WDR64: variants seen among roughly 807,000 people sequenced by gnomAD.
WDR64 encodes the protein WD repeat domain 64, also known as WD repeat-containing protein 64.
WDR64 carries 112 observed loss-of-function variants against 139.3 expected under a neutral mutation model. That is an observed-to-expected ratio of 0.80 (90% CI 0.69 to 0.94). The LOEUF (loss-of-function observed/expected upper bound fraction) is 0.94, where lower values mean the gene tolerates loss of function less well. WDR64 is among the 40% of genes least tolerant of loss of function. The pLI, the probability that WDR64 is intolerant of heterozygous loss-of-function variation, is 0.00. For missense variants in WDR64, 1,206 were observed against 1,293.1 expected (o/e 0.93, Z 1.03); for synonymous variants, 444 against 437.7 (o/e 1.01, Z -0.18).
At chr1:241,758,172 A>C (rs1670280067) in intron 15 of WDR64, among the ~76,000 whole-genome samples, 1 of 152,114 alleles carries the variant, frequency 6.6e-6, no homozygotes, top group Non-Finnish European at 1.5e-5. Flanking sequence ...GTTATTTAAG[A>C]AGTTCCGCTG....
rs531923903 is a variant in WDR64, at chr1:241,680,245, G to A, written c.624+650G>A. ...TGTCTTCAGGAAGCAGACTGACTTT[G>A]AAGGACATGGAGGATTAAGAAATAA... On this transcript the variant is annotated intron_variant, in intron 6 of 27. Coordinates refer to ENST00000437684, the MANE Select transcript of WDR64 (RefSeq NM_001367482.1). 4.7e-4 allele frequency among the ~76,000 whole-genome samples: 72 copies of A among 152,324 alleles called. 4 individuals are homozygous for A. The South Asian group carries it at 0.014, about 31-fold the overall frequency.
At chr1:241,727,620 G>C (rs1157912928) in intron 10 of WDR64, among the ~76,000 whole-genome samples, 2 of 152,128 alleles carry the variant, frequency 1.3e-5, no homozygotes, top group African/African-American at 4.8e-5. Flanking sequence ...GAGTTCTAGG[G>C]ACAAAGCATT....
intron 15 of WDR64, among the ~76,000 whole-genome samples, chr1:241,761,771 G>A (rs1448827258): frequency 6.6e-6 from 1 of 152,150 alleles, no homozygotes; most frequent in Non-Finnish European, 1.5e-5. Context: ...TTTCAGCAAT[G>A]TTCACAGCAG....
chr1:241,656,702 ATAAT>A lies in WDR64; in HGVS notation c.146-3825_146-3822del, dbSNP rs1357995956. ...TTGGCACTACTGATGTTTTGGCTAA[ATAAT>A]TATTTGTATATGTGTGCGTGTGTGG... On this transcript the variant is annotated intron_variant, in intron 1 of 27. Transcript: ENST00000437684. This position sits in a 1 kb window ranked among gnomAD's most constrained non-coding sequence, Gnocchi z 4.3. Among the ~76,000 whole-genome samples, 1 of 152,036 alleles carries A rather than the reference ATAAT, an allele frequency of 6.6e-6. No individual in the cohort carries two copies. The highest frequency in any genetic ancestry group is 1.9e-4 in the East Asian group (1 of 5,188).
intron 13 of WDR64, among the ~76,000 whole-genome samples, chr1:241,748,867 G>C (rs1204582161): frequency 6.6e-6 from 1 of 150,954 alleles, no homozygotes; most frequent in Admixed American, 6.6e-5. Context: ...GTGAACCCAG[G>C]AGGCGGAGCT....
In WDR64 at chr1:241,689,883, A is replaced by G. The variant is rs566108087; in HGVS notation, c.974+2288A>G. Among the ~76,000 whole-genome samples the G allele has an allele frequency of 5.9e-4, 90 of 152,306 alleles. No homozygotes were observed. In the Middle Eastern group the frequency reaches 0.014, roughly 23 times the overall value. On this transcript the variant is annotated intron_variant, in intron 8 of 27. Coordinates refer to ENST00000437684, the MANE Select transcript of WDR64 (RefSeq NM_001367482.1). The stretch of plus-strand genomic sequence containing the variant: ...GAAAGAATTTATAGAAGATTCAAAA[A>G]CAGAAAGCAAAGAGGAAAAAAACTG...
intron 10 of WDR64, among the ~76,000 whole-genome samples, chr1:241,726,889 A>G (rs11578496): frequency 0.42 from 62,747 of 151,120 alleles, 13,113 homozygotes; most frequent in South Asian, 0.48. Context: ...TAATAAGGAC[A>G]AAGTTTTTTT....
intron 8 of WDR64, among the ~76,000 whole-genome samples, chr1:241,702,633 C>A (rs1358658373): frequency 1.3e-5 from 2 of 152,252 alleles, no homozygotes; most frequent in Non-Finnish European, 1.5e-5. Flanking sequence ...CAGGGATTAG[C>A]AAACTGTAGC....
At chr1:241,737,656 A>AT (rs1294570091) in intron 10 of WDR64, among the ~76,000 whole-genome samples, 2 of 152,210 alleles carry the variant, frequency 1.3e-5, no homozygotes, top group Non-Finnish European at 2.9e-5. Context: ...CTACTAAAAA[A>AT]GCAGAATAGT....
At chr1:241,714,229 A>G (rs909455034) in intron 9 of WDR64, among the ~76,000 whole-genome samples, 3 of 152,340 alleles carry the variant, frequency 2.0e-5, no homozygotes, top group African/African-American at 7.2e-5. Flanking sequence ...AACACAAACA[A>G]ACATCAAGAA....
chr1:241,799,902 T>G (rs1659473467), intron 27 of WDR64, among the ~76,000 whole-genome samples: 1 of 152,182 alleles, frequency 6.6e-6, no homozygotes, highest in South Asian at 2.1e-4. Flanking sequence ...AATCCATTTT[T>G]TCCAAAATTA....
chr1:241,769,552 G>A, intron 17 of WDR64, 47 bp downstream of exon 17: 1 of 1,479,968 alleles, frequency 6.8e-7, no homozygotes, highest in Non-Finnish European at 9.2e-7. Context: ...GGACTTAGGT[G>A]GCTGATACAT....
chr1:241,776,815 G>A (rs534344319), intron 21 of WDR64, among the ~76,000 whole-genome samples: 9 of 152,210 alleles, frequency 5.9e-5, no homozygotes, highest in African/African-American at 1.9e-4. Context: ...CCTCTATTAG[G>A]GTTAGTCCTC....
chr1:241,757,033 G>A (rs1670216594), intron 14 of WDR64, among the ~76,000 whole-genome samples: 1 of 149,740 alleles, frequency 6.7e-6, no homozygotes, highest in African/African-American at 2.5e-5. Context: ...ATATATATAT[G>A]TAGAAAGTAT....
intron 2 of WDR64, among the ~76,000 whole-genome samples, chr1:241,666,319 T>C (rs973089464): frequency 2.0e-5 from 3 of 152,168 alleles, no homozygotes; most frequent in Admixed American, 6.5e-5. Flanking sequence ...GCTTGAGACA[T>C]TTCCTTTCAA....
chr1:241,767,928 T>C (rs547142766), intron 16 of WDR64, among the ~76,000 whole-genome samples: 189 of 152,218 alleles, frequency 1.2e-3, no homozygotes, highest in African/African-American at 4.2e-3. Flanking sequence ...TCACACATTG[T>C]CTACCTGCCA....
rs183817117 is a variant in WDR64, at chr1:241,757,045, T to C, written c.1771-238T>C. Among the ~76,000 whole-genome samples the C allele has an allele frequency of 6.4e-4, 98 of 152,274 alleles. 2 individuals are homozygous for C. The East Asian group carries it at 0.011, about 17-fold the overall frequency. ...ATCATATATATATGTAGAAAGTATA[T>C]GTATGTATATGTAGAAATATTAAAA... On this transcript the variant is annotated intron_variant, in intron 14 of 27. Transcript: ENST00000437684.
chr1:241,704,544 T>C (rs902688291), intron 8 of WDR64, among the ~76,000 whole-genome samples: 4 of 152,282 alleles, frequency 2.6e-5, no homozygotes, highest in Middle Eastern at 3.4e-3. Context: ...CCTTTCTACT[T>C]GAAAGAAGTT....
intron 21 of WDR64, among the ~76,000 whole-genome samples, chr1:241,775,921 C>A (rs1448251987): frequency 6.6e-6 from 1 of 151,966 alleles, no homozygotes; most frequent in Non-Finnish European, 1.5e-5. Context: ...CATATCTACC[C>A]CTTTGCTTGT....
Sources: allele counts gnomAD v4.1 joint callset (sites outside exome capture counted in the v4.1 genomes callset), GRCh38; gene constraint gnomAD v4.1.1; non-coding constraint Gnocchi (gnomAD v3.1); transcripts MANE v1.5; gene names NCBI Gene and HGNC (gene_info 2026-07-23, HGNC 2026-07-21).